Variants in DOCK7 observed in about 807,000 individuals in gnomAD.
DOCK7 encodes dedicator of cytokinesis protein 7.
In DOCK7, 138 loss-of-function variants were observed where a neutral mutation model predicts 271.0. The ratio of observed to expected loss-of-function variants is 0.51; its 90% CI spans 0.44 to 0.59. The LOEUF is 0.59. DOCK7 is among the 20% of genes least tolerant of loss of function. The pLI is 0.00. For synonymous variants in DOCK7, 823 were observed against 876.1 expected (o/e 0.94, Z 1.07); for missense variants, 2,066 against 2,592.4 (o/e 0.80, Z 4.41).
chr1:62,601,154 C>G, intron 14 of DOCK7: 2 of 1,610,774 alleles, frequency 1.2e-6, no homozygotes, highest in Non-Finnish European at 1.7e-6. Flanking sequence ...AAGAACTACT[C>G]CCTTTCTTCA....
chr1:62,611,975 T>A (rs548233228), intron 14 of DOCK7, among the ~76,000 whole-genome samples: 1 of 142,988 alleles, frequency 7.0e-6, no homozygotes, highest in Non-Finnish European at 1.5e-5. Flanking sequence ...TGAAATCCCA[T>A]CTCTAGTAAA....
In DOCK7 at chr1:62,590,508, A is replaced by G. The variant is rs17123719; in HGVS notation, c.1683-3884T>C. 5.5e-3 allele frequency among the ~76,000 whole-genome samples: 835 copies of G among 152,308 alleles called. 6 individuals are homozygous for G. The highest frequency in any genetic ancestry group is 0.019 in the African/African-American group (801 of 41,562). ...ATGTTTATTGAGTATCCAGTGTGAT[A>G]GGTACTGAGAATAGAGATAAAAGAT... On this transcript the variant is annotated intron_variant, in intron 14 of 49. Coordinates refer to ENST00000635253, the MANE Select transcript of DOCK7 (RefSeq NM_001367561.1).
intron 43 of DOCK7, chr1:62,485,280 T>C: frequency 1.0e-6 from 1 of 985,376 alleles, no homozygotes; most frequent in South Asian, 4.7e-5. Flanking sequence ...CCCGAAAGGT[T>C]CATGATTTAT....
chr1:62,508,065 C>T lies in DOCK7; in HGVS notation c.4380-7G>A. 6.3e-7 allele frequency: 1 copy of T among 1,586,962 alleles called. No homozygotes were observed. Among genetic ancestry groups the T allele is most frequent in the Non-Finnish European group, 8.5e-7 (1 of 1,171,544 alleles). On this transcript the variant is annotated splice_region_variant and splice_polypyrimidine_tract_variant and intron_variant, in intron 34 of 49. Coordinates refer to ENST00000635253, the MANE Select transcript of DOCK7 (RefSeq NM_001367561.1). ...TTCAATCTCTGCTCTTGATCTAATA[C>T]AAAATATTGTAAGAAATTATATTTA...
At chr1:62,555,014 T>C (rs1646093243) in intron 21 of DOCK7, among the ~76,000 whole-genome samples, 1 of 152,224 alleles carries the variant, frequency 6.6e-6, no homozygotes, top group African/African-American at 2.4e-5. Flanking sequence ...CACTTGCCAT[T>C]ATCATTAATG....
intron 31 of DOCK7, among the ~76,000 whole-genome samples, chr1:62,518,503 GGCAGAGCTT>G (rs1644743568): frequency 6.6e-6 from 1 of 151,900 alleles, no homozygotes; most frequent in Non-Finnish European, 1.5e-5. Context: ...GAACCCAGGA[GGCAGAGCTT>G]GCAGTGAGCC....
intron 31 of DOCK7, among the ~76,000 whole-genome samples, chr1:62,517,670 A>C (rs192679197): frequency 6.6e-6 from 1 of 152,296 alleles, no homozygotes; most frequent in Admixed American, 6.5e-5. Flanking sequence ...TTTCCATCTC[A>C]TTACTTCTTA....
intron 2 of DOCK7, among the ~76,000 whole-genome samples, chr1:62,658,710 G>C (rs1012962747): frequency 3.2e-4 from 48 of 152,210 alleles, no homozygotes; most frequent in African/African-American, 1.1e-3. Context: ...AGCACTTTGG[G>C]AGGCCAAGGC....
chr1:62,472,099 T>G (rs958966200), intron 48 of DOCK7, among the ~76,000 whole-genome samples: 1 of 152,100 alleles, frequency 6.6e-6, no homozygotes. Context: ...TATTTCGTTT[T>G]TTTTGTTTTG....
At chr1:62,529,549 T>C (rs1442440613) in intron 29 of DOCK7, 103 bp from the exon 30 acceptor site, 1 of 844,792 alleles carries the variant, frequency 1.2e-6, no homozygotes, top group Non-Finnish European at 1.7e-6. Context: ...ATAAATTTTG[T>C]TCAATTTCTT....
chr1:62,630,977 G>C (rs1224104699), intron 11 of DOCK7, among the ~76,000 whole-genome samples: 2 of 152,022 alleles, frequency 1.3e-5, no homozygotes, highest in African/African-American at 2.4e-5. Flanking sequence ...TTGAGGTCAG[G>C]AGTTCGAGAC....
chr1:62,688,006 G>A (rs560377179), intron 1 of DOCK7, among the ~76,000 whole-genome samples: 1 of 152,010 alleles, frequency 6.6e-6, no homozygotes, highest in African/African-American at 2.4e-5. Context: ...CCCTGCCGAG[G>A]CTCAGCGGCG....
chr1:62,614,844 A>C (rs1236877124), intron 14 of DOCK7, among the ~76,000 whole-genome samples: 1 of 151,956 alleles, frequency 6.6e-6, no homozygotes, highest in Non-Finnish European at 1.5e-5. Flanking sequence ...TGTGACTTTA[A>C]GAGAAGGACT....
At chr1:62,604,564 C>A in intron 14 of DOCK7, 1 of 1,472,654 alleles carries the variant, frequency 6.8e-7, no homozygotes, top group Non-Finnish European at 9.5e-7. Context: ...GATAAACTTA[C>A]GGGGAAATAC....
intron 14 of DOCK7, among the ~76,000 whole-genome samples, chr1:62,587,730 TG>T (rs1335687516): frequency 2.0e-5 from 3 of 152,092 alleles, no homozygotes; most frequent in Admixed American, 6.6e-5. Flanking sequence ...GCATGTTGAA[TG>T]GGATATACAG....
At chr1:62,634,630 T>C in intron 9 of DOCK7, 143 bp downstream of exon 9, 1 of 809,006 alleles carries the variant, frequency 1.2e-6, no homozygotes, top group South Asian at 2.1e-5. Context: ...GCACCTACTG[T>C]GTATGTCCAA....
rs1418685006 is a variant in DOCK7 at position 62,457,721 on chromosome 1, T to G, written c.6213-16A>C. 1 of 1,610,154 alleles carries G rather than the reference T, an allele frequency of 6.2e-7. No individual in the cohort carries two copies. Among genetic ancestry groups the G allele is most frequent in the Non-Finnish European group, 8.5e-7 (1 of 1,178,544 alleles). On this transcript the variant is annotated splice_polypyrimidine_tract_variant and intron_variant, in intron 48 of 49. Transcript: ENST00000635253. ...ATCTTCACACCTAGGAAAAACAGGA[T>G]GTTATCAAGATATTACTTCTGGCAT...
In DOCK7 at chr1:62,513,818, T is replaced by G. The variant is rs1271412362; in HGVS notation, c.4017A>C (p.Ala1339=). The G allele has an allele frequency of 4.3e-6, 7 of 1,614,164 alleles. No individual in the cohort carries two copies. In the Middle Eastern group the frequency reaches 6.6e-4, roughly 152 times the overall value. Reference sequence around the variant, plus strand: ...ACCACTTCTGTAGAACTGTTTCATCTGCATTTTTGAGAACCCAAAGTAGAC... The same window carrying G: ...ACCACTTCTGTAGAACTGTTTCATCGGCATTTTTGAGAACCCAAAGTAGAC... ...LICLLWVLKN[A]DETVLQKWFT... Residue 1339 remains alanine, a synonymous_variant, in exon 32 of 50, where the codon GCA becomes GCC. Transcript: ENST00000635253.
chr1:62,597,532 T>C, intron 14 of DOCK7: 2 of 1,610,300 alleles, frequency 1.2e-6, no homozygotes, highest in Non-Finnish European at 1.7e-6. Context: ...AAGAAAACAG[T>C]TCCACGTTGC....
Sources: gnomAD v4.1 joint callset for allele counts (sites outside exome capture counted in the v4.1 genomes callset) on GRCh38, gnomAD v4.1.1 for gene constraint, MANE v1.5 for transcripts, NCBI Gene and HGNC (gene_info 2026-07-23, HGNC 2026-07-21) for gene names.